SFXN5: variants seen among roughly 807,000 people sequenced by gnomAD.
The protein encoded by SFXN5 is sideroflexin 5.
A neutral mutation model predicts 50.2 loss-of-function variants in SFXN5; 43 were observed. The ratio of observed to expected loss-of-function variants is 0.86; its 90% CI spans 0.67 to 1.11. The LOEUF (loss-of-function observed/expected upper bound fraction) is 1.11, where lower values mean the gene tolerates loss of function less well. SFXN5 is among the 50% of genes least tolerant of loss of function. The pLI is 0.00. For synonymous variants in SFXN5, 203 were observed against 185.8 expected (o/e 1.09, Z -0.75); for missense variants, 463 against 454.1 (o/e 1.02, Z -0.18).
chr2:72,957,438 C>A (rs1673227319), intron 13 of SFXN5, among the ~76,000 whole-genome samples: 1 of 152,212 alleles, frequency 6.6e-6, no homozygotes, highest in Non-Finnish European at 1.5e-5. Flanking sequence ...GGATTGAAGT[C>A]CTTGCCTCAA....
chr2:73,003,395 C>G (rs892317736), intron 6 of SFXN5, among the ~76,000 whole-genome samples: 1 of 152,214 alleles, frequency 6.6e-6, no homozygotes, highest in African/African-American at 2.4e-5. Context: ...CAATAGCACT[C>G]ACTGCATTTA....
In SFXN5 at chr2:72,960,700, G is replaced by A. The variant is rs565855090; in HGVS notation, c.945+431C>T. On this transcript the variant is annotated intron_variant, in intron 13 of 13. Coordinates refer to ENST00000272433, the MANE Select transcript of SFXN5 (RefSeq NM_144579.3). This position sits in a 1 kb window ranked among gnomAD's most constrained non-coding sequence, Gnocchi z 6.1. ...TCACCTTGCTGCACTCCCTGGTTGC[G>A]CTGCAGACTTTGGTCAGCTCTTGGA... Among the ~76,000 whole-genome samples, 6 of 152,198 alleles carry A rather than the reference G, an allele frequency of 3.9e-5. No individual in the cohort carries two copies. In the East Asian group the frequency reaches 5.8e-4, roughly 15 times the overall value.
chr2:72,957,146 C>T (rs771176689), intron 13 of SFXN5: 1 of 450,156 alleles, frequency 2.2e-6, no homozygotes, highest in South Asian at 1.6e-5. Flanking sequence ...AACTCCCCCC[C>T]ATACACTGAA....
chr2:72,976,935 G>A (rs1670683334), intron 10 of SFXN5, among the ~76,000 whole-genome samples: 1 of 152,200 alleles, frequency 6.6e-6, no homozygotes, highest in African/African-American at 2.4e-5. Flanking sequence ...CATGGTGACT[G>A]ACTCCTAAGA....
chr2:73,061,175 G>A (rs1240496192), intron 1 of SFXN5, among the ~76,000 whole-genome samples: 1 of 152,108 alleles, frequency 6.6e-6, no homozygotes, highest in African/African-American at 2.4e-5. Flanking sequence ...AATTAGCCAG[G>A]TGTGGTAGTG....
chr2:73,033,619 C>A (rs1678591489), intron 3 of SFXN5, among the ~76,000 whole-genome samples: 1 of 152,066 alleles, frequency 6.6e-6, no homozygotes, highest in Admixed American at 6.6e-5. Flanking sequence ...CAGAAGTGGG[C>A]CTGTCTGGTA....
intron 6 of SFXN5, among the ~76,000 whole-genome samples, chr2:73,010,830 TAAC>T (rs1457893707): frequency 6.6e-6 from 1 of 152,096 alleles, no homozygotes; most frequent in East Asian, 1.9e-4. Context: ...ATTTAGAAAA[TAAC>T]AACATAAGAT....
chr2:72,979,031 T>G (rs1278553758), intron 10 of SFXN5, among the ~76,000 whole-genome samples: 1 of 152,184 alleles, frequency 6.6e-6, no homozygotes, highest in Non-Finnish European at 1.5e-5. Context: ...GCAGCTGAAA[T>G]GAATGTATAT....
At chr2:73,054,547 G>A (rs1208747202) in intron 2 of SFXN5, among the ~76,000 whole-genome samples, 2 of 152,102 alleles carry the variant, frequency 1.3e-5, no homozygotes, top group Non-Finnish European at 2.9e-5. Flanking sequence ...CTGGGAAAAG[G>A]GAGCGGGGAC....
chr2:72,970,435 G>A (rs1675013888), intron 11 of SFXN5, among the ~76,000 whole-genome samples: 1 of 152,210 alleles, frequency 6.6e-6, no homozygotes, highest in African/African-American at 2.4e-5. Context: ...CTTGGAGAGA[G>A]CTCTTCCCAG....
At chr2:73,009,512 T>C (rs1675216068) in intron 6 of SFXN5, among the ~76,000 whole-genome samples, 2 of 152,222 alleles carry the variant, frequency 1.3e-5, no homozygotes, top group South Asian at 4.1e-4. Flanking sequence ...TACAGATATC[T>C]GGGGCTAGGA....
At position 72,944,195 on chromosome 2, in the gene SFXN5, G is replaced by C. The variant is rs1285064302; in HGVS notation, c.*827C>G. On this transcript the variant is annotated 3_prime_UTR_variant, in exon 14 of 14. Coordinates refer to ENST00000272433, the MANE Select transcript of SFXN5 (RefSeq NM_144579.3). The stretch of plus-strand genomic sequence containing the variant: ...GAGGATCTTCCCGAAGAGGCCAAGT[G>C]CAGGTCCATGGTTCCTGCCAAGCAC... The C allele has an allele frequency of 6.6e-6, 1 of 152,290 alleles. No individual in the cohort carries two copies. Among genetic ancestry groups the C allele is most frequent in the East Asian group, 1.9e-4 (1 of 5,200 alleles). The allele number at this position is 152,290 out of a possible 1,614,324, so 9.4% of individuals were successfully genotyped here. A position where few individuals can be genotyped will look rare whatever the true frequency, so the allele number is the denominator to read the frequency against.
intron 2 of SFXN5, among the ~76,000 whole-genome samples, chr2:73,047,385 GTA>G (rs1035697005): frequency 4.2e-5 from 6 of 144,292 alleles, no homozygotes; most frequent in East Asian, 4.0e-4. Flanking sequence ...ATATATACAT[GTA>G]TATGTGTGTG....
At chr2:73,069,640 A>G (rs1343372892) in intron 1 of SFXN5, among the ~76,000 whole-genome samples, 1 of 152,204 alleles carries the variant, frequency 6.6e-6, no homozygotes, top group Non-Finnish European at 1.5e-5. Flanking sequence ...AGTGCCAAAA[A>G]GAAGTACCGC....
At chr2:73,044,053 A>C (rs1679986257) in intron 2 of SFXN5, among the ~76,000 whole-genome samples, 1 of 152,124 alleles carries the variant, frequency 6.6e-6, no homozygotes, top group South Asian at 2.1e-4. Context: ...CTGGACAATG[A>C]ATGCTCTACT....
chr2:72,985,900 C>T (rs1200651505), intron 10 of SFXN5, among the ~76,000 whole-genome samples: 2 of 152,288 alleles, frequency 1.3e-5, no homozygotes, highest in South Asian at 2.1e-4. Context: ...AGGTTAAGAC[C>T]ACCTCAAGGT....
chr2:72,994,075 C>T (rs1012833838), intron 9 of SFXN5, among the ~76,000 whole-genome samples: 4 of 152,194 alleles, frequency 2.6e-5, no homozygotes, highest in East Asian at 1.9e-4. Flanking sequence ...GAACACCACT[C>T]GGCTTCTCCC....
chr2:72,994,609 T>C (rs963727292), intron 9 of SFXN5, among the ~76,000 whole-genome samples: 2 of 152,050 alleles, frequency 1.3e-5, no homozygotes, highest in African/African-American at 4.8e-5. Flanking sequence ...CCCACAGCAC[T>C]TCATCCCTGA....
At chr2:72,981,352 C>T (rs953766084) in intron 10 of SFXN5, 1 of 152,116 alleles carries the variant, frequency 6.6e-6, no homozygotes, top group Non-Finnish European at 1.5e-5. Context: ...ACGAGACCCC[C>T]GGGTCTCTGT....
Sources: allele counts gnomAD v4.1 joint callset (sites outside exome capture counted in the v4.1 genomes callset), GRCh38; gene constraint gnomAD v4.1.1; non-coding constraint Gnocchi (gnomAD v3.1); transcripts MANE v1.5; gene names NCBI Gene and HGNC (gene_info 2026-07-23, HGNC 2026-07-21).